The following PPFIA4 variants were observed in gnomAD, a reference collection of about 807,000 sequenced individuals.
The protein encoded by PPFIA4 is liprin-alpha-4.
Under a neutral mutation model 145.7 loss-of-function variants are expected in PPFIA4, and 98 were observed. The observed-to-expected ratio is 0.67, with a 90% CI of 0.57 to 0.80. The LOEUF is 0.80. PPFIA4 is among the 30% of genes least tolerant of loss of function. The pLI is 0.00. For synonymous variants in PPFIA4, 628 were observed against 649.6 expected (o/e 0.97, Z 0.51); for missense variants, 1,457 against 1,632.7 (o/e 0.89, Z 1.85).
At chr1:203,036,776 G>C (rs1331823038) in intron 1 of PPFIA4, among the ~76,000 whole-genome samples, 2 of 152,234 alleles carry the variant, frequency 1.3e-5, no homozygotes, top group Non-Finnish European at 2.9e-5. Flanking sequence ...CTGCTCTGAG[G>C]AGCAGGGAGG....
At chr1:203,057,806 C>G (rs528641337) in intron 19 of PPFIA4, among the ~76,000 whole-genome samples, 1 of 152,288 alleles carries the variant, frequency 6.6e-6, no homozygotes, top group East Asian at 1.9e-4. Flanking sequence ...CAGGGGCGGC[C>G]TCCTTTGGTA....
intron 28 of PPFIA4, among the ~76,000 whole-genome samples, chr1:203,074,907 G>C (rs1415291184): frequency 6.6e-6 from 1 of 152,140 alleles, no homozygotes; most frequent in Non-Finnish European, 1.5e-5. Flanking sequence ...GACTGCATCT[G>C]CTTGGTGGTC....
At position 203,046,044 on chromosome 1, in the gene PPFIA4, C is replaced by G. The variant is rs1035908211; in HGVS notation, c.1005+57C>G. The G allele has an allele frequency of 3.1e-6, 5 of 1,607,028 alleles. No individual in the cohort carries two copies. In the African/African-American group the frequency reaches 4.0e-5, roughly 13 times the overall value. Reference sequence around the variant, plus strand: ...TTGTACTTAGCCCTGGAGGTGTCCTCGTGAACCTACTGGTGATGGCTGAGG... The same window carrying G: ...TTGTACTTAGCCCTGGAGGTGTCCTGGTGAACCTACTGGTGATGGCTGAGG... On this transcript the variant is annotated intron_variant, in intron 8 of 29. Coordinates refer to ENST00000295706, the MANE Select transcript of PPFIA4 (RefSeq NM_001304331.2).
chr1:203,055,752 TG>T lies in PPFIA4; in HGVS notation c.2070+81del. On this transcript the variant is annotated intron_variant, in intron 16 of 29. Coordinates refer to ENST00000295706, the MANE Select transcript of PPFIA4 (RefSeq NM_001304331.2). The surrounding 1 kb of genome is among the most constrained non-coding windows in gnomAD (Gnocchi z 4.8). Reference sequence around the variant, plus strand: ...GTTTTAAGGGATGGTAGGACTCACGTGCTCTCAGCTGGGCCTGCCATCTTCT... The same window carrying T: ...GTTTTAAGGGATGGTAGGACTCACGTCTCTCAGCTGGGCCTGCCATCTTCT... 6.3e-7 allele frequency: 1 copy of T among 1,578,058 alleles called. No individual in the cohort carries two copies. Among genetic ancestry groups the T allele is most frequent in the Non-Finnish European group, 8.6e-7 (1 of 1,158,440 alleles).
intron 14 of PPFIA4, among the ~76,000 whole-genome samples, chr1:203,052,709 A>G (rs958970372): frequency 1.3e-5 from 2 of 152,090 alleles, no homozygotes; most frequent in African/African-American, 4.8e-5. Context: ...GTCATAGAGG[A>G]TGGGTGTTAG....
intron 1 of PPFIA4, among the ~76,000 whole-genome samples, chr1:203,034,038 C>T (rs149911244): frequency 2.5e-4 from 38 of 152,200 alleles, no homozygotes; most frequent in African/African-American, 9.1e-4. Context: ...TGTTAGAGTA[C>T]TCAGAGATGG....
intron 14 of PPFIA4, 144 bp downstream of exon 14, chr1:203,052,021 GC>G: frequency 1.2e-6 from 1 of 841,558 alleles, no homozygotes; most frequent in Non-Finnish European, 1.8e-6. Flanking sequence ...TGGGGTTGAG[GC>G]CATCGTCAGC....
At chr1:203,070,313 G>A (rs942063351) in intron 27 of PPFIA4, among the ~76,000 whole-genome samples, 12 of 152,234 alleles carry the variant, frequency 7.9e-5, no homozygotes, top group Admixed American at 2.6e-4. Context: ...CGGTGTGGTA[G>A]CTCAGGCCTG....
At chr1:203,045,598 G>A in intron 7 of PPFIA4, 39 bp downstream of exon 7, 6 of 1,515,910 alleles carry the variant, frequency 4.0e-6, no homozygotes, top group Non-Finnish European at 5.3e-6. Flanking sequence ...ACCTCATTGT[G>A]GAGCGTGTGG....
At position 203,071,205 on chromosome 1, in the gene PPFIA4, TG is replaced by T. The variant is rs536896716; in HGVS notation, c.3325-486del. Among the ~76,000 whole-genome samples, 30 of 149,464 alleles carry T rather than the reference TG, an allele frequency of 2.0e-4. No homozygotes were observed. In the South Asian group the frequency reaches 6.2e-3, roughly 31 times the overall value. ...TTTTTTTTGAGACAGAGTCTCACTC[TG>T]TCCCCCAGGCTGGAGTGCAGTAGTG... On this transcript the variant is annotated intron_variant, in intron 27 of 29. Coordinates refer to ENST00000295706, the MANE Select transcript of PPFIA4 (RefSeq NM_001304331.2).
intron 27 of PPFIA4, among the ~76,000 whole-genome samples, chr1:203,069,074 C>T (rs1661947734): frequency 2.0e-5 from 3 of 152,270 alleles, no homozygotes; most frequent in African/African-American, 4.8e-5. Flanking sequence ...TCCTGGGCCC[C>T]CAGCCTTAAA....
chr1:203,049,840 A>G, intron 13 of PPFIA4, 73 bp downstream of exon 13: 3 of 1,279,642 alleles, frequency 2.3e-6, no homozygotes, highest in Non-Finnish European at 3.1e-6. Flanking sequence ...ACTTCCTTCC[A>G]ACAAAAGACT....
intron 1 of PPFIA4, among the ~76,000 whole-genome samples, chr1:203,034,197 A>G (rs1185451391): frequency 6.6e-6 from 1 of 152,228 alleles, no homozygotes. Flanking sequence ...AGATGAGCTT[A>G]GCAAGGTGAT....
rs754229615 is a variant in PPFIA4 at position 203,067,744 on chromosome 1, C to T, written c.3100C>T (p.Arg1034Trp). Residue 1034 changes from arginine (R) to tryptophan (W), a missense_variant, in exon 26 of 30, where the codon CGG becomes TGG. Physicochemically the swap from Arg to Trp is moderately radical, Grantham distance 101. Coordinates refer to ENST00000295706, the MANE Select transcript of PPFIA4 (RefSeq NM_001304331.2). ...IMCLKRLNYD[R>W]KELEKRREES... is the part of the protein sequence containing the mutation. Reference sequence around the variant, plus strand: ...GTGTCTGAAGAGGCTGAATTATGACCGGAAGGAGCTGGAGAAGAGGCGAGA... The same window carrying T: ...GTGTCTGAAGAGGCTGAATTATGACTGGAAGGAGCTGGAGAAGAGGCGAGA... 24 of 1,613,606 alleles carry T rather than the reference C, an allele frequency of 1.5e-5. No homozygotes were observed. Among genetic ancestry groups the T allele is most frequent in the African/African-American group, 6.7e-5 (5 of 74,846 alleles).
rs375399786 is a variant in PPFIA4 at position 203,062,248 on chromosome 1, C to T, written c.2874+570C>T. ...ATCCCAGCACTTTGGGAGGCCGAGG[C>T]GGGCGGATCACGAGGTCAGGAGATC... is the stretch of plus-strand genomic sequence containing the variant. On this transcript the variant is annotated intron_variant, in intron 24 of 29. Transcript: ENST00000295706. Among the ~76,000 whole-genome samples the T allele has an allele frequency of 1.1e-3, 164 of 151,402 alleles. 4 individuals carry two copies. Among genetic ancestry groups the T allele is most frequent in the Admixed American group, 6.2e-3 (94 of 15,232 alleles).
intron 28 of PPFIA4, among the ~76,000 whole-genome samples, chr1:203,073,647 T>C (rs1468616503): frequency 6.6e-6 from 1 of 152,076 alleles, no homozygotes; most frequent in Admixed American, 6.5e-5. Context: ...GCTTCAAGGC[T>C]CTTAAGGGCG....
rs1293244909 is a variant in PPFIA4, at chr1:203,044,755, T to A, written c.636T>A (p.Thr212=). The part of the protein sequence containing the change: ...VRDGAAEEEG[T]VELGPKRLWK... ...ATGGAGCGGCAGAAGAGGAGGGGACTGTGGAGCTGGGGCCGAAACGCCTGT... is the reference window on the plus strand; with the variant it reads ...ATGGAGCGGCAGAAGAGGAGGGGACAGTGGAGCTGGGGCCGAAACGCCTGT... Residue 212 remains threonine (T), a synonymous_variant, in exon 6 of 30, where the codon ACT becomes ACA. Coordinates refer to ENST00000295706, the MANE Select transcript of PPFIA4 (RefSeq NM_001304331.2). The A allele has an allele frequency of 1.3e-6, 2 of 1,566,334 alleles. No individual in the cohort carries two copies. The highest frequency in any genetic ancestry group is 8.7e-7 in the Non-Finnish European group (1 of 1,155,736).
At chr1:203,058,472 C>T (rs1338993614) in intron 19 of PPFIA4, among the ~76,000 whole-genome samples, 1 of 152,146 alleles carries the variant, frequency 6.6e-6, no homozygotes, top group African/African-American at 2.4e-5. Context: ...GGGGAAGAAG[C>T]ATTTTGGGTG....
Position 203,075,390 on chromosome 1 carries a change from G to A in PPFIA4, c.3394-187G>A, listed in dbSNP as rs1662452835. On this transcript the variant is annotated intron_variant, in intron 28 of 29. Coordinates refer to ENST00000295706, the MANE Select transcript of PPFIA4 (RefSeq NM_001304331.2). This position sits in a 1 kb window ranked among gnomAD's most constrained non-coding sequence, Gnocchi z 4.1. ...AGAGACAGGGAATTTCAGAGTCGCAGGGTTTCCCGATTCACTGTACAGATG... is the reference window on the plus strand; with the variant it reads ...AGAGACAGGGAATTTCAGAGTCGCAAGGTTTCCCGATTCACTGTACAGATG... Among the ~76,000 whole-genome samples the A allele has an allele frequency of 6.6e-6, 1 of 151,702 alleles. No individual in the cohort carries two copies. The highest frequency in any genetic ancestry group is 2.1e-4 in the South Asian group (1 of 4,798).
Sources: gnomAD v4.1 joint callset for allele counts (sites outside exome capture counted in the v4.1 genomes callset) on GRCh38, gnomAD v4.1.1 for gene constraint, Gnocchi (gnomAD v3.1) non-coding constraint, MANE v1.5 for transcripts, NCBI Gene and HGNC (gene_info 2026-07-23, HGNC 2026-07-21) for gene names.